Variants in KCND3 observed in about 807,000 individuals in gnomAD.
KCND3 encodes the protein potassium voltage-gated channel subfamily D member 3.
A neutral mutation model predicts 51.1 loss-of-function variants in KCND3; 9 were observed. That is an observed-to-expected ratio of 0.18 (90% CI 0.11 to 0.31). The LOEUF is 0.31. KCND3 is among the 10% of genes least tolerant of loss of function. KCND3 has a pLI of 1.00. For missense variants in KCND3, 526 were observed against 903.8 expected (o/e 0.58, Z 5.36); for synonymous variants, 349 against 368.0 (o/e 0.95, Z 0.59).
At chr1:111,969,146 T>C (rs1674187288) in intron 2 of KCND3, among the ~76,000 whole-genome samples, 1 of 151,912 alleles carries the variant, frequency 6.6e-6, no homozygotes, top group South Asian at 2.1e-4. Flanking sequence ...CTGCCACGGG[T>C]GTCCATATCC....
intron 3 of KCND3, among the ~76,000 whole-genome samples, chr1:111,782,193 TA>T (rs1273951085): frequency 6.6e-6 from 1 of 152,158 alleles, no homozygotes; most frequent in African/African-American, 2.4e-5. Context: ...GTTCATCTGC[TA>T]AAAGGAGGCC....
intron 2 of KCND3, among the ~76,000 whole-genome samples, chr1:111,855,547 A>G (rs1668027117): frequency 6.6e-6 from 1 of 152,220 alleles, no homozygotes; most frequent in African/African-American, 2.4e-5. Flanking sequence ...TCCGATAGCA[A>G]GGAGGCTGCT....
chr1:111,846,873 C>A (rs1444403710), intron 2 of KCND3, among the ~76,000 whole-genome samples: 2 of 152,162 alleles, frequency 1.3e-5, no homozygotes, highest in Admixed American at 1.3e-4. Context: ...CAGCCCTGGG[C>A]AGTTCTGGAT....
At chr1:111,983,037 C>A (rs1313047414) in intron 1 of KCND3, among the ~76,000 whole-genome samples, 1 of 152,166 alleles carries the variant, frequency 6.6e-6, no homozygotes, top group Non-Finnish European at 1.5e-5. Context: ...GACTGCCTGA[C>A]AAATCGTCAA....
At chr1:111,986,057 T>C (rs1204062952) in intron 1 of KCND3, among the ~76,000 whole-genome samples, 2 of 152,226 alleles carry the variant, frequency 1.3e-5, no homozygotes, top group Non-Finnish European at 2.9e-5. Flanking sequence ...CTTCTAACTA[T>C]ACTTTGTTTA....
At chr1:111,929,355 C>T (rs535578752) in intron 2 of KCND3, among the ~76,000 whole-genome samples, 1 of 152,292 alleles carries the variant, frequency 6.6e-6, no homozygotes, top group African/African-American at 2.4e-5. Flanking sequence ...GCTTCCCCAG[C>T]CATGGAGGGT....
At position 111,865,171 on chromosome 1, in the gene KCND3, T is replaced by C. The variant is rs145960728; in HGVS notation, c.1107-78065A>G. 5.7e-4 allele frequency among the ~76,000 whole-genome samples: 87 copies of C among 152,358 alleles called. No homozygotes were observed. The Middle Eastern group carries it at 0.01, about 18-fold the overall frequency. ...TATTCACCTAGTTCCTTATTATTAA[T>C]AGTTATTGAGTAGCCACTGTATGCC... On this transcript the variant is annotated intron_variant, in intron 2 of 7. Coordinates refer to ENST00000302127, the MANE Select transcript of KCND3 (RefSeq NM_001378969.1).
chr1:111,968,883 C>T (rs1415622298), intron 2 of KCND3, among the ~76,000 whole-genome samples: 1 of 152,094 alleles, frequency 6.6e-6, no homozygotes, highest in African/African-American at 2.4e-5. Flanking sequence ...GTCACCAACT[C>T]CCAGTCCAGG....
rs1192973157 is a variant in KCND3, at chr1:111,900,617, C to T, written c.1106+81004G>A. Reference sequence around the variant, plus strand: ...AATAAAACTGTGTTTATCTTGTATACTGCCATATGCCCAGTGCCTGGTAAA... The same window carrying T: ...AATAAAACTGTGTTTATCTTGTATATTGCCATATGCCCAGTGCCTGGTAAA... On this transcript the variant is annotated intron_variant, in intron 2 of 7. Coordinates refer to ENST00000302127, the MANE Select transcript of KCND3 (RefSeq NM_001378969.1). Among the ~76,000 whole-genome samples the T allele has an allele frequency of 5.9e-5, 9 of 152,136 alleles. No homozygotes were observed. In the South Asian group the frequency reaches 1.9e-3, roughly 32 times the overall value.
At chr1:111,790,086 T>C (rs1664764480) in intron 2 of KCND3, among the ~76,000 whole-genome samples, 1 of 152,106 alleles carries the variant, frequency 6.6e-6, no homozygotes, top group Non-Finnish European at 1.5e-5. Flanking sequence ...AGGTCTCCAG[T>C]GGTATGTTCC....
chr1:111,870,714 A>C (rs974288377), intron 2 of KCND3, among the ~76,000 whole-genome samples: 1 of 63,202 alleles, frequency 1.6e-5, no homozygotes, highest in Non-Finnish European at 5.5e-5. Flanking sequence ...GATTGCACTC[A>C]GTGAAAGAAA....
chr1:111,833,123 CCAGTTTTGA>C (rs1400505881), intron 2 of KCND3, among the ~76,000 whole-genome samples: 2 of 152,228 alleles, frequency 1.3e-5, no homozygotes, highest in Non-Finnish European at 2.9e-5. Context: ...TTTCTTTTTG[CCAGTTTTGA>C]CATCTCTGTG....
chr1:111,787,184 C>A, intron 2 of KCND3, 78 bp from the exon 3 acceptor site: 1 of 1,418,632 alleles, frequency 7.0e-7, no homozygotes, highest in South Asian at 1.2e-5. Context: ...GCCAATCATT[C>A]ACCTGTTTAT....
chr1:111,881,040 T>A (rs1296174038), intron 2 of KCND3, among the ~76,000 whole-genome samples: 2 of 152,138 alleles, frequency 1.3e-5, no homozygotes, highest in Non-Finnish European at 2.9e-5. Context: ...GAAGCAGCTC[T>A]CCCATCTCAG....
intron 2 of KCND3, among the ~76,000 whole-genome samples, chr1:111,946,093 GA>G: frequency 6.6e-6 from 1 of 152,376 alleles, no homozygotes; most frequent in East Asian, 1.9e-4. Context: ...GTAGGTACTT[GA>G]TAAATGGTAG....
At chr1:111,927,673 A>G (rs1295900090) in intron 2 of KCND3, among the ~76,000 whole-genome samples, 1 of 151,996 alleles carries the variant, frequency 6.6e-6, no homozygotes, top group African/African-American at 2.4e-5. Flanking sequence ...CATTCATCCA[A>G]CAAGCATTCA....
At chr1:111,797,275 T>C (rs1210833947) in intron 2 of KCND3, among the ~76,000 whole-genome samples, 7 of 152,178 alleles carry the variant, frequency 4.6e-5, no homozygotes, top group Non-Finnish European at 7.4e-5. Context: ...AAAGGGGTCA[T>C]AGCAACCAGC....
chr1:111,915,426 C>T (rs901172963), intron 2 of KCND3, among the ~76,000 whole-genome samples: 1 of 151,184 alleles, frequency 6.6e-6, no homozygotes, highest in Admixed American at 6.6e-5. Flanking sequence ...AGGAAAAGAA[C>T]AAAAAAAGAT....
intron 2 of KCND3, among the ~76,000 whole-genome samples, chr1:111,844,387 T>TACAA (rs1373536174): frequency 2.0e-5 from 3 of 152,182 alleles, no homozygotes; most frequent in Non-Finnish European, 1.5e-5. Context: ...TTGATGGATA[T>TACAA]ACAAAGAAGG....
Sources: gnomAD v4.1 joint callset for allele counts (sites outside exome capture counted in the v4.1 genomes callset) on GRCh38, gnomAD v4.1.1 for gene constraint, MANE v1.5 for transcripts, NCBI Gene and HGNC (gene_info 2026-07-23, HGNC 2026-07-21) for gene names.